The following NPRL3 variants were observed in gnomAD, a reference collection of about 807,000 sequenced individuals.
The protein encoded by NPRL3 is GATOR1 complex protein NPRL3.
In NPRL3, 23 loss-of-function variants were observed where a neutral mutation model predicts 57.2. That is an observed-to-expected ratio of 0.40 (90% CI 0.29 to 0.57). NPRL3 has a LOEUF of 0.57. Among genes scored for constraint, NPRL3 ranks in the 20% least tolerant of loss-of-function variants. NPRL3 has a pLI of 0.42. For synonymous variants in NPRL3, 333 were observed against 321.1 expected, an observed-to-expected ratio of 1.04 and a Z score of -0.39; for missense variants, 691 against 767.1, an observed-to-expected ratio of 0.90 and a Z score of 1.17.
At chr16:103,432 C>T (rs1304579120) in intron 7 of NPRL3, among the ~76,000 whole-genome samples, 5 of 151,312 alleles carry the variant, frequency 3.3e-5, no homozygotes, top group African/African-American at 7.3e-5. Flanking sequence ...TGAGCCACCG[C>T]ACCCACCCAA....
In NPRL3 at chr16:98,372, GCACCAGGTATGCACCGGGTA is replaced by G; in HGVS notation, c.768-91_768-72del. 2.6e-6 allele frequency: 4 copies of G among 1,528,482 alleles called. No individual in the cohort carries two copies. In the African/African-American group the frequency reaches 6.0e-5, roughly 23 times the overall value. 94.7% of individuals were successfully genotyped at this position (1,528,482 alleles called of 1,614,324 possible). A position where few individuals can be genotyped will look rare whatever the true frequency, so the allele number is the denominator to read the frequency against. ...CTGCACCGGGTATGCACCAGGTCCT[GCACCAGGTATGCACCGGGTA>G]TGCACCAGGTCCTGCACCAGGTATG... On this transcript the variant is annotated intron_variant, in intron 8 of 13. Coordinates refer to ENST00000611875, the MANE Select transcript of NPRL3 (RefSeq NM_001077350.3).
chr16:85,405 C>G lies in NPRL3; in HGVS notation c.*1300G>C. ...TCCAAACTGTCCGTCCCACAGGGGACGGGGCTTGCGTCTTGCTGCGAGCAC... is the reference window on the plus strand; with the variant it reads ...TCCAAACTGTCCGTCCCACAGGGGAGGGGGCTTGCGTCTTGCTGCGAGCAC... On this transcript the variant is annotated 3_prime_UTR_variant, in exon 14 of 14. Coordinates refer to ENST00000611875, the MANE Select transcript of NPRL3 (RefSeq NM_001077350.3). The G allele has an allele frequency of 1.2e-6, 2 of 1,602,648 alleles. No individual in the cohort carries two copies. Among genetic ancestry groups the G allele is most frequent in the Non-Finnish European group, 1.7e-6 (2 of 1,173,960 alleles).
chr16:107,407 G>A (rs960875988), intron 7 of NPRL3, among the ~76,000 whole-genome samples: 1 of 152,026 alleles, frequency 6.6e-6, no homozygotes, highest in Admixed American at 6.6e-5. Context: ...CATTTTGGGA[G>A]GCCGAGCCGG....
chr16:124,358 TTC>T (rs1900421369), intron 3 of NPRL3, among the ~76,000 whole-genome samples: 1 of 152,094 alleles, frequency 6.6e-6, no homozygotes, highest in African/African-American at 2.4e-5. Context: ...CTTTTTTTTT[TTC>T]CTTTTTTCTT....
chr16:104,223 G>A (rs28541776), intron 7 of NPRL3, among the ~76,000 whole-genome samples: 4,296 of 152,162 alleles, frequency 0.028, 199 homozygotes, highest in African/African-American at 0.097. Context: ...AACCCAGGAG[G>A]CGGAGGTTGC....
intron 3 of NPRL3, among the ~76,000 whole-genome samples, chr16:126,659 T>G (rs1306162231): frequency 6.6e-6 from 1 of 151,992 alleles, no homozygotes; most frequent in African/African-American, 2.4e-5. Context: ...CAGACCTGGC[T>G]TGATGGCTTC....
chr16:89,325 G>GACCTGGC, intron 12 of NPRL3: 1 of 272,448 alleles, frequency 3.7e-6, no homozygotes, highest in Middle Eastern at 1.1e-3. Flanking sequence ...GGGGACCTGG[G>GACCTGGC]ACCTGGCAAC....
chr16:127,654 ATT>A (rs555123884), intron 3 of NPRL3, among the ~76,000 whole-genome samples: 24 of 139,870 alleles, frequency 1.7e-4, no homozygotes, highest in African/African-American at 2.4e-4. Flanking sequence ...GAGCAAGTGA[ATT>A]TTTTTTTTTT....
At chr16:137,293 C>G (rs1901141811) in intron 2 of NPRL3, among the ~76,000 whole-genome samples, 1 of 152,192 alleles carries the variant, frequency 6.6e-6, no homozygotes, top group Admixed American at 6.6e-5. Flanking sequence ...TACATGCCGT[C>G]CACAGGGGAA....
At chr16:133,926 A>G (rs551086447) in intron 2 of NPRL3, among the ~76,000 whole-genome samples, 2 of 152,372 alleles carry the variant, frequency 1.3e-5, no homozygotes, top group East Asian at 3.9e-4. Flanking sequence ...AGATGGAAAC[A>G]GATGGGCGAA....
chr16:118,995 G>A (rs1182863332), intron 4 of NPRL3, 131 bp downstream of exon 4: 1 of 1,376,866 alleles, frequency 7.3e-7, no homozygotes, highest in Non-Finnish European at 9.9e-7. Flanking sequence ...CCTGCCCAAG[G>A]AGAGCCACAC....
chr16:110,427 G>A, intron 7 of NPRL3, 98 bp downstream of exon 7: 1 of 883,334 alleles, frequency 1.1e-6, no homozygotes, highest in East Asian at 2.7e-5. Context: ...GGAGAACAGT[G>A]GTCAGTACCG....
rs149598987 is a variant in NPRL3, at chr16:103,554, T to C, written c.630-3045A>G. On this transcript the variant is annotated intron_variant, in intron 7 of 13. Transcript: ENST00000611875. ...TTCAAATGTAGCTGTCTTTGCTCCA[T>C]CTAGGAGCACAGTGAGGCCTTATGA... is the stretch of plus-strand genomic sequence containing the variant. Among the ~76,000 whole-genome samples, 1,032 of 152,142 alleles carry C rather than the reference T, an allele frequency of 6.8e-3. 6 individuals are homozygous for C. Among genetic ancestry groups the C allele is most frequent in the South Asian group, 0.017 (83 of 4,812 alleles).
chr16:110,681 G>A, intron 6 of NPRL3, 75 bp from the exon 7 acceptor site: 1 of 1,199,510 alleles, frequency 8.3e-7, no homozygotes, highest in South Asian at 1.3e-5. Context: ...CCAAGTAGCT[G>A]GGATTACAGG....
chr16:123,371 G>A (rs1263305245), intron 3 of NPRL3: 2 of 402,262 alleles, frequency 5.0e-6, no homozygotes, highest in African/African-American at 4.2e-5. Flanking sequence ...GGGGGAACTG[G>A]GGCAGTGAGG....
chr16:92,981 G>C (rs1270157239), intron 10 of NPRL3: 1 of 616,462 alleles, frequency 1.6e-6, no homozygotes, highest in Non-Finnish European at 2.9e-6. Flanking sequence ...AGAAGAGCCA[G>C]CCTGGAGGAG....
chr16:103,625 C>G (rs1237219614), intron 7 of NPRL3, among the ~76,000 whole-genome samples: 3 of 152,054 alleles, frequency 2.0e-5, no homozygotes, highest in African/African-American at 7.2e-5. Context: ...TGGAGTGCAG[C>G]AGGGAAGAAA....
intron 5 of NPRL3, among the ~76,000 whole-genome samples, chr16:116,787 A>ACCCCCC (rs71391112): frequency 9.1e-4 from 78 of 85,932 alleles, no homozygotes; most frequent in Non-Finnish European, 1.0e-3. Context: ...ACATGGCGAG[A>ACCCCCC]CCCCCCCCCC....
Position 86,686 on chromosome 16 carries a change from T to TTCCGCCC in NPRL3, c.*12_*18dup. The TTCCGCCC allele has an allele frequency of 6.5e-7, 1 of 1,541,352 alleles. No homozygotes were observed. The highest frequency in any genetic ancestry group is 8.8e-7 in the Non-Finnish European group (1 of 1,142,046). On this transcript the variant is annotated 3_prime_UTR_variant, in exon 14 of 14. Coordinates refer to ENST00000611875, the MANE Select transcript of NPRL3 (RefSeq NM_001077350.3). ...CGCCCACCTGCGCACCCCAGCAGCCTTCCGCCCTCCGCCTGGGCTCAGGGG... is the reference window on the plus strand; with the variant it reads ...CGCCCACCTGCGCACCCCAGCAGCCTTCCGCCCTCCGCCCTCCGCCTGGGCTCAGGGG...
Sources: allele counts gnomAD v4.1 joint callset (sites outside exome capture counted in the v4.1 genomes callset), GRCh38; gene constraint gnomAD v4.1.1; transcripts MANE v1.5; gene names NCBI Gene and HGNC (gene_info 2026-07-23, HGNC 2026-07-21).